SDK1: variants seen among roughly 807,000 people sequenced by gnomAD.
SDK1 encodes sidekick cell adhesion molecule 1.
Under a neutral mutation model 245.5 loss-of-function variants are expected in SDK1, and 157 were observed. That is an observed-to-expected ratio of 0.64 (90% CI 0.56 to 0.73). SDK1 has a LOEUF of 0.73. Among genes scored for constraint, SDK1 ranks in the 30% least tolerant of loss-of-function variants. The pLI is 0.00. For missense variants in SDK1, 3,583 were observed against 3,002.3 expected, an observed-to-expected ratio of 1.19 and a Z score of -4.52; for synonymous variants, 1,647 against 1,278.5, an observed-to-expected ratio of 1.29 and a Z score of -6.15.
At chr7:4,187,359 C>A (rs776322372) in intron 35 of SDK1, among the ~76,000 whole-genome samples, 1 of 152,230 alleles carries the variant, frequency 6.6e-6, no homozygotes, top group Admixed American at 6.5e-5. Context: ...TCTTTTCCAA[C>A]GTCTCCAATG....
chr7:3,881,918 C>T (rs1781217838), intron 5 of SDK1, among the ~76,000 whole-genome samples: 1 of 152,094 alleles, frequency 6.6e-6, no homozygotes, highest in Non-Finnish European at 1.5e-5. Context: ...TCCTGAATTA[C>T]CAGCTATATT....
chr7:3,603,429 AT>A (rs1781313337), intron 1 of SDK1, among the ~76,000 whole-genome samples: 1 of 151,008 alleles, frequency 6.6e-6, no homozygotes, highest in Non-Finnish European at 1.5e-5. Flanking sequence ...TAGGTATTTT[AT>A]TCTCTTTGAA....
At chr7:3,945,790 C>G (rs138124939) in intron 5 of SDK1, among the ~76,000 whole-genome samples, 3,308 of 149,616 alleles carry the variant, frequency 0.022, 125 homozygotes, top group African/African-American at 0.077. Flanking sequence ...TCCCAGCTAC[C>G]CAGGAGGCTG....
At chr7:3,764,350 C>T (rs1167611060) in intron 4 of SDK1, among the ~76,000 whole-genome samples, 2 of 152,116 alleles carry the variant, frequency 1.3e-5, no homozygotes, top group African/African-American at 4.8e-5. Context: ...AATATTTAAT[C>T]ATGGCCCTAT....
intron 1 of SDK1, among the ~76,000 whole-genome samples, chr7:3,566,934 G>C (rs1779939071): frequency 6.6e-6 from 1 of 152,160 alleles, no homozygotes; most frequent in Non-Finnish European, 1.5e-5. Flanking sequence ...GTGGGGATGT[G>C]TGAACATAGG....
At chr7:3,988,274 C>G (rs898811392) in intron 14 of SDK1, among the ~76,000 whole-genome samples, 1 of 151,644 alleles carries the variant, frequency 6.6e-6, no homozygotes, top group Non-Finnish European at 1.5e-5. Flanking sequence ...GCCCCCACCT[C>G]CACACCCCCT....
At chr7:3,886,345 G>A (rs1781338562) in intron 5 of SDK1, among the ~76,000 whole-genome samples, 1 of 152,216 alleles carries the variant, frequency 6.6e-6, no homozygotes. Flanking sequence ...TAGGAAGTCG[G>A]CCAGCATGCG....
chr7:3,415,044 G>GT (rs1439222919), intron 1 of SDK1, among the ~76,000 whole-genome samples: 5 of 152,144 alleles, frequency 3.3e-5, no homozygotes, highest in African/African-American at 7.2e-5. Context: ...TTGTGTAGCA[G>GT]TTTTTTTGTG....
intron 36 of SDK1, among the ~76,000 whole-genome samples, chr7:4,206,916 C>T (rs1198642994): frequency 6.6e-6 from 1 of 152,212 alleles, no homozygotes; most frequent in African/African-American, 2.4e-5. Flanking sequence ...TCCTCCATGG[C>T]AGGGCTGTTA....
chr7:3,479,817 G>A (rs182391226), intron 1 of SDK1, among the ~76,000 whole-genome samples: 2 of 151,398 alleles, frequency 1.3e-5, no homozygotes, highest in Non-Finnish European at 2.9e-5. Flanking sequence ...AGCCAAGATC[G>A]TGCCACTGCA....
At chr7:4,081,375 G>C (rs778493876) in intron 22 of SDK1, among the ~76,000 whole-genome samples, 1 of 152,058 alleles carries the variant, frequency 6.6e-6, no homozygotes, top group Non-Finnish European at 1.5e-5. Flanking sequence ...CCTCACCACA[G>C]TTTCTTGGCC....
At chr7:4,249,268 C>G (rs551657321) in intron 44 of SDK1, among the ~76,000 whole-genome samples, 6 of 152,192 alleles carry the variant, frequency 3.9e-5, no homozygotes, top group Non-Finnish European at 8.8e-5. Context: ...CACTGATGAG[C>G]TGGACTGGAG....
intron 5 of SDK1, among the ~76,000 whole-genome samples, chr7:3,833,931 T>C (rs1562478487): frequency 6.6e-6 from 1 of 152,322 alleles, no homozygotes; most frequent in South Asian, 2.1e-4. Flanking sequence ...TATTAAGCCA[T>C]GTTGCCCCCA....
At chr7:3,467,758 G>A (rs912906034) in intron 1 of SDK1, among the ~76,000 whole-genome samples, 2 of 151,902 alleles carry the variant, frequency 1.3e-5, no homozygotes, top group African/African-American at 4.8e-5. Flanking sequence ...AATTTTTTTA[G>A]TAAAGCATTT....
intron 35 of SDK1, among the ~76,000 whole-genome samples, chr7:4,195,254 C>T (rs946550369): frequency 5.9e-5 from 9 of 152,112 alleles, no homozygotes; most frequent in East Asian, 1.9e-4. Flanking sequence ...AATGGTGCAC[C>T]GTGATTTCTT....
chr7:3,572,459 A>G (rs1191804129), intron 1 of SDK1, among the ~76,000 whole-genome samples: 4 of 151,954 alleles, frequency 2.6e-5, no homozygotes, highest in Admixed American at 6.6e-5. Flanking sequence ...TGACTGGGGA[A>G]TTTCCTATAA....
At chr7:3,628,586 C>T (rs143945670) in intron 2 of SDK1, among the ~76,000 whole-genome samples, 117 of 152,258 alleles carry the variant, frequency 7.7e-4, no homozygotes, top group African/African-American at 2.7e-3. Flanking sequence ...ATTCTATATG[C>T]TGGGATACGT....
At chr7:3,626,695 C>G (rs1311450626) in intron 2 of SDK1, among the ~76,000 whole-genome samples, 1 of 152,210 alleles carries the variant, frequency 6.6e-6, no homozygotes, top group African/African-American at 2.4e-5. Flanking sequence ...TGATTAGAGT[C>G]ATTTACCTCC....
chr7:3,476,259 C>G (rs1781345143), intron 1 of SDK1, among the ~76,000 whole-genome samples: 1 of 152,156 alleles, frequency 6.6e-6, no homozygotes, highest in Non-Finnish European at 1.5e-5. Flanking sequence ...ATGCCAGTGA[C>G]TTGAACATTA....
Sources: gnomAD v4.1 joint callset for allele counts (sites outside exome capture counted in the v4.1 genomes callset) on GRCh38, gnomAD v4.1.1 for gene constraint, MANE v1.5 for transcripts, NCBI Gene and HGNC (gene_info 2026-07-23, HGNC 2026-07-21) for gene names.